CTNNA3: variants seen among roughly 807,000 people sequenced by gnomAD.
CTNNA3 encodes catenin alpha-3.
CTNNA3 carries 76 observed loss-of-function variants against 95.7 expected under a neutral mutation model. The observed-to-expected ratio is 0.79, with a 90% CI of 0.66 to 0.96. CTNNA3 has a LOEUF of 0.96. CTNNA3 is among the 40% of genes least tolerant of loss of function. The pLI is 0.00. For synonymous variants in CTNNA3, 431 were observed against 374.4 expected (o/e 1.15, Z -1.74); for missense variants, 1,191 against 1,089.8 (o/e 1.09, Z -1.31).
intron 10 of CTNNA3, among the ~76,000 whole-genome samples, chr10:66,553,596 T>C (rs574352955): frequency 1.2e-4 from 17 of 146,502 alleles, no homozygotes; most frequent in South Asian, 4.6e-4. Flanking sequence ...GCGCCCATCT[T>C]GGCTCACTGC....
intron 1 of CTNNA3, among the ~76,000 whole-genome samples, chr10:67,666,340 G>A (rs1270864108): frequency 1.3e-5 from 2 of 152,062 alleles, no homozygotes; most frequent in East Asian, 1.9e-4. Flanking sequence ...AGAGATTCAC[G>A]TATTTTCCCC....
chr10:65,984,353 G>A (rs1589215833), intron 16 of CTNNA3, among the ~76,000 whole-genome samples: 1 of 151,244 alleles, frequency 6.6e-6, no homozygotes, highest in Non-Finnish European at 1.5e-5. Context: ...AACCTCCCTA[G>A]ATGGTCACTG....
intron 9 of CTNNA3, among the ~76,000 whole-genome samples, chr10:66,660,321 CT>C (rs1242219704): frequency 1.3e-5 from 2 of 152,152 alleles, no homozygotes; most frequent in African/African-American, 4.8e-5. Context: ...AGTTGATAGT[CT>C]TTTAACTCAC....
chr10:65,951,755 C>T (rs1162422041), intron 17 of CTNNA3, among the ~76,000 whole-genome samples: 5 of 152,104 alleles, frequency 3.3e-5, no homozygotes, highest in South Asian at 2.1e-4. Context: ...CTAGGTCAGG[C>T]GCGGTGGCTT....
intron 5 of CTNNA3, among the ~76,000 whole-genome samples, chr10:67,408,350 A>G (rs1845225567): frequency 6.6e-6 from 1 of 152,224 alleles, no homozygotes; most frequent in South Asian, 2.1e-4. Flanking sequence ...ACAGGGCTAC[A>G]GTAACCCAAA....
chr10:67,508,904 CT>C (rs1313015428), intron 5 of CTNNA3, among the ~76,000 whole-genome samples: 2 of 150,748 alleles, frequency 1.3e-5, no homozygotes, highest in African/African-American at 4.9e-5. Context: ...AGACCTAAGT[CT>C]CGCTCTTGTA....
chr10:67,741,195 A>T (rs1457229376), intron 1 of CTNNA3, among the ~76,000 whole-genome samples: 6 of 150,864 alleles, frequency 4.0e-5, no homozygotes, highest in Non-Finnish European at 7.4e-5. Context: ...GCATTGGGAG[A>T]TATACCTAAT....
At chr10:66,034,249 G>A (rs1159570009) in intron 15 of CTNNA3, among the ~76,000 whole-genome samples, 1 of 151,852 alleles carries the variant, frequency 6.6e-6, no homozygotes, top group East Asian at 1.9e-4. Flanking sequence ...GTTAGAAAGT[G>A]CTAAATGACT....
intron 7 of CTNNA3, among the ~76,000 whole-genome samples, chr10:66,831,436 G>C (rs1209465880): frequency 6.6e-6 from 1 of 152,042 alleles, no homozygotes; most frequent in Non-Finnish European, 1.5e-5. Context: ...CATTTCCTAT[G>C]CCCAATCCAA....
chr10:65,930,224 A>T (rs2077231114), intron 17 of CTNNA3, among the ~76,000 whole-genome samples: 1 of 150,046 alleles, frequency 6.7e-6, no homozygotes, highest in African/African-American at 2.5e-5. Flanking sequence ...AAAAAAAAAA[A>T]AACAGAAACT....
intron 5 of CTNNA3, among the ~76,000 whole-genome samples, chr10:67,512,756 G>A (rs1839678388): frequency 6.6e-6 from 1 of 151,662 alleles, no homozygotes; most frequent in Admixed American, 6.6e-5. Flanking sequence ...GGAGGCCGAG[G>A]CAGGCAGATC....
chr10:66,379,962 G>A (rs2092824363), intron 11 of CTNNA3, among the ~76,000 whole-genome samples: 1 of 151,940 alleles, frequency 6.6e-6, no homozygotes, highest in African/African-American at 2.4e-5. Flanking sequence ...ACAAATATGT[G>A]GAATATCAAC....
intron 11 of CTNNA3, among the ~76,000 whole-genome samples, chr10:66,450,010 A>T: frequency 6.6e-6 from 1 of 151,702 alleles, no homozygotes. Flanking sequence ...TAAGTTCATA[A>T]TTTTTTTTGA....
chr10:66,553,435 C>A (rs1842284097), intron 10 of CTNNA3, among the ~76,000 whole-genome samples: 1 of 38,690 alleles, frequency 2.6e-5, no homozygotes, highest in Admixed American at 4.7e-4. Flanking sequence ...GGAAATGAAG[C>A]ATATCTTTTT....
intron 9 of CTNNA3, among the ~76,000 whole-genome samples, chr10:66,699,194 T>C (rs1847862115): frequency 6.6e-6 from 1 of 152,168 alleles, no homozygotes; most frequent in Admixed American, 6.5e-5. Flanking sequence ...TGCAGATATA[T>C]TTTCAAGGTG....
intron 13 of CTNNA3, among the ~76,000 whole-genome samples, chr10:66,114,120 A>T (rs1458905777): frequency 6.6e-6 from 1 of 152,182 alleles, no homozygotes; most frequent in Non-Finnish European, 1.5e-5. Context: ...ACCTATTCCA[A>T]TTTATTTTAG....
intron 10 of CTNNA3, among the ~76,000 whole-genome samples, chr10:66,539,477 G>A (rs1343505951): frequency 6.6e-6 from 1 of 152,162 alleles, no homozygotes; most frequent in Non-Finnish European, 1.5e-5. Flanking sequence ...GTCTTTATCA[G>A]TGTGAAATCC....
At chr10:66,875,900 TA>T (rs1203532554) in intron 7 of CTNNA3, among the ~76,000 whole-genome samples, 1 of 152,154 alleles carries the variant, frequency 6.6e-6, no homozygotes, top group African/African-American at 2.4e-5. Flanking sequence ...ATGTACAGTA[TA>T]AATGCTTAGC....
At chr10:66,604,805 C>G (rs1280625647) in intron 10 of CTNNA3, among the ~76,000 whole-genome samples, 2 of 124,404 alleles carry the variant, frequency 1.6e-5, no homozygotes, top group Admixed American at 7.7e-5. Context: ...AAAAAAAAAT[C>G]CAAAGGTCAA....
Sources: allele counts gnomAD v4.1 joint callset (sites outside exome capture counted in the v4.1 genomes callset), GRCh38; gene constraint gnomAD v4.1.1; transcripts MANE v1.5; gene names NCBI Gene and HGNC (gene_info 2026-07-23, HGNC 2026-07-21).